Variants in PPP2R5E observed in about 807,000 individuals in gnomAD.
PPP2R5E encodes the protein protein phosphatase 2 regulatory subunit B'epsilon.
PPP2R5E carries 4 observed loss-of-function variants against 65.3 expected under a neutral mutation model. The observed-to-expected ratio is 0.06, with a 90% CI of 0.03 to 0.14. The LOEUF (loss-of-function observed/expected upper bound fraction) is 0.14, where lower values mean the gene tolerates loss of function less well. Ranked by LOEUF, PPP2R5E falls within the 10% of genes least tolerant of loss-of-function variation. The probability of loss-of-function intolerance (pLI) is 1.00; values close to 1 mark genes in which losing one functional copy is unlikely to be tolerated. For missense variants in PPP2R5E, 274 were observed against 556.1 expected, an observed-to-expected ratio of 0.49 and a Z score of 5.10; for synonymous variants, 183 against 187.4, an observed-to-expected ratio of 0.98 and a Z score of 0.19.
At chr14:63,464,592 C>G (rs554952613) in intron 2 of PPP2R5E, among the ~76,000 whole-genome samples, 1 of 152,170 alleles carries the variant, frequency 6.6e-6, no homozygotes, top group Non-Finnish European at 1.5e-5. Context: ...AGAAGATCAT[C>G]TTGGGTCTTG....
At chr14:63,451,167 A>G (rs1367613120) in intron 3 of PPP2R5E, 1 of 152,154 alleles carries the variant, frequency 6.6e-6, no homozygotes, top group Non-Finnish European at 1.5e-5. Flanking sequence ...AAAAAAAACT[A>G]AACATACTCT....
At chr14:63,410,116 T>C (rs1469297279) in intron 5 of PPP2R5E, among the ~76,000 whole-genome samples, 1 of 152,214 alleles carries the variant, frequency 6.6e-6, no homozygotes, top group African/African-American at 2.4e-5. Context: ...CATATTCAGC[T>C]GCTACAGAAA....
rs562524141 is a variant in PPP2R5E, at chr14:63,472,119, G to A, written c.158-18234C>T. Among the ~76,000 whole-genome samples the A allele has an allele frequency of 7.9e-5, 12 of 152,268 alleles. No homozygotes were observed. The East Asian group carries it at 2.1e-3, about 27-fold the overall frequency. On this transcript the variant is annotated intron_variant, in intron 2 of 13. Transcript: ENST00000337537. ...GTTCAAGGCCAACCTGGCCAACATG[G>A]CAAAACCCCATCTCTACCAAAAATA...
At chr14:63,527,530 T>G (rs987557801) in intron 2 of PPP2R5E, among the ~76,000 whole-genome samples, 5 of 152,240 alleles carry the variant, frequency 3.3e-5, no homozygotes, top group Non-Finnish European at 7.3e-5. Flanking sequence ...ACTCATACAG[T>G]GTATCTAGCA....
intron 2 of PPP2R5E, among the ~76,000 whole-genome samples, chr14:63,531,217 T>A (rs986169053): frequency 6.6e-6 from 1 of 152,188 alleles, no homozygotes; most frequent in Non-Finnish European, 1.5e-5. Context: ...ATGTGCCATG[T>A]TGGTGTGCTG....
intron 2 of PPP2R5E, among the ~76,000 whole-genome samples, chr14:63,512,620 C>A (rs990971977): frequency 2.6e-5 from 4 of 151,972 alleles, no homozygotes; most frequent in Admixed American, 1.3e-4. Context: ...ACTCCTATTC[C>A]CCAAAGATGA....
intron 3 of PPP2R5E, among the ~76,000 whole-genome samples, chr14:63,442,523 G>A (rs895862756): frequency 1.3e-5 from 2 of 152,062 alleles, no homozygotes; most frequent in African/African-American, 2.4e-5. Flanking sequence ...GACTTCCCAT[G>A]GTTTCAGTCA....
intron 7 of PPP2R5E, 35 bp downstream of exon 7, chr14:63,395,191 C>T: frequency 6.4e-7 from 1 of 1,559,378 alleles, no homozygotes; most frequent in Non-Finnish European, 8.8e-7. Flanking sequence ...AAATAATATT[C>T]ATCTGAGATT....
At chr14:63,381,940 T>A in intron 13 of PPP2R5E, 116 bp downstream of exon 13, 2 of 741,920 alleles carry the variant, frequency 2.7e-6, no homozygotes, top group South Asian at 1.9e-5. Context: ...AATGCATGAC[T>A]GTAAACAAAA....
intron 2 of PPP2R5E, chr14:63,508,050 A>T (rs12882028): frequency 2.7e-6 from 2 of 740,872 alleles, no homozygotes; most frequent in Non-Finnish European, 3.3e-6. Flanking sequence ...TTTGGGATCC[A>T]ATGTAATAGC....
At chr14:63,503,147 T>C (rs1214587379) in intron 2 of PPP2R5E, among the ~76,000 whole-genome samples, 2 of 151,626 alleles carry the variant, frequency 1.3e-5, no homozygotes, top group South Asian at 2.1e-4. Context: ...CAGGGAAAGT[T>C]AGCCATTTTT....
chr14:63,542,907 G>T lies in PPP2R5E; in HGVS notation c.-136C>A, dbSNP rs1302763454. The T allele has an allele frequency of 6.5e-6, 1 of 153,090 alleles. No individual in the cohort carries two copies. The highest frequency in any genetic ancestry group is 1.5e-5 in the Non-Finnish European group (1 of 68,482). The allele number at this position is 153,090 out of a possible 1,614,324, so 9.5% of individuals were successfully genotyped here. A position where few individuals can be genotyped will look rare whatever the true frequency, so the allele number is the denominator to read the frequency against. On this transcript the variant is annotated 5_prime_UTR_variant, in exon 1 of 14. Transcript: ENST00000337537. ...AGGGGGAGGTCCGGGCAGCTGCGGG[G>T]AGCCTGGGGCGACGGCTGTCCGGTA...
In PPP2R5E at chr14:63,372,333, T is replaced by A. The variant is rs556877738; in HGVS notation, c.*3676A>T. 6.6e-6 allele frequency: 1 copy of A among 152,268 alleles called. No individual in the cohort carries two copies. The highest frequency in any genetic ancestry group is 1.9e-4 in the East Asian group (1 of 5,186). The allele number at this position is 152,268 out of a possible 1,614,324, so 9.4% of individuals were successfully genotyped here. A position where few individuals can be genotyped will look rare whatever the true frequency, so the allele number is the denominator to read the frequency against. The stretch of plus-strand genomic sequence containing the variant: ...AGGAATATAAAATGCAATGCCAATA[T>A]ACCTACTACAAAAATCTTTGTGGCT... On this transcript the variant is annotated 3_prime_UTR_variant, in exon 14 of 14. Transcript: ENST00000337537.
At chr14:63,490,111 G>A (rs536061181) in intron 2 of PPP2R5E, among the ~76,000 whole-genome samples, 13 of 152,060 alleles carry the variant, frequency 8.5e-5, no homozygotes, top group East Asian at 1.9e-4. Flanking sequence ...GAACTAGGCC[G>A]AATAAAATTG....
intron 2 of PPP2R5E, among the ~76,000 whole-genome samples, chr14:63,469,758 C>A (rs117461044): frequency 6.6e-6 from 1 of 152,120 alleles, no homozygotes; most frequent in Non-Finnish European, 1.5e-5. Flanking sequence ...GAAAAAAGCA[C>A]CTGACAAGGA....
intron 3 of PPP2R5E, among the ~76,000 whole-genome samples, chr14:63,437,127 C>T (rs113639280): frequency 0.022 from 3,343 of 152,248 alleles, 101 homozygotes; most frequent in African/African-American, 0.06. Flanking sequence ...CACATACCAA[C>T]GCCATGGCAG....
At chr14:63,497,470 T>G (rs1404851183) in intron 2 of PPP2R5E, among the ~76,000 whole-genome samples, 1 of 152,042 alleles carries the variant, frequency 6.6e-6, no homozygotes, top group Non-Finnish European at 1.5e-5. Flanking sequence ...CACATGAACC[T>G]GGCCAGGTGC....
chr14:63,481,152 T>A (rs112128361), intron 2 of PPP2R5E, among the ~76,000 whole-genome samples: 1 of 152,240 alleles, frequency 6.6e-6, no homozygotes, highest in African/African-American at 2.4e-5. Flanking sequence ...CTATCTCTTA[T>A]TTATATAATT....
chr14:63,387,502 A>G (rs984085125), intron 11 of PPP2R5E, among the ~76,000 whole-genome samples: 5 of 152,032 alleles, frequency 3.3e-5, no homozygotes, highest in African/African-American at 1.2e-4. Context: ...GCAAGCAATG[A>G]TAAGTGTCTG....
Sources: gnomAD v4.1 joint callset for allele counts (sites outside exome capture counted in the v4.1 genomes callset) on GRCh38, gnomAD v4.1.1 for gene constraint, MANE v1.5 for transcripts, NCBI Gene and HGNC (gene_info 2026-07-23, HGNC 2026-07-21) for gene names.